OGFOD1: variants seen among roughly 807,000 people sequenced by gnomAD.
The protein encoded by OGFOD1 is 2-oxoglutarate and iron dependent oxygenase domain containing 1.
OGFOD1 carries 54 observed loss-of-function variants against 67.7 expected under a neutral mutation model. The ratio of observed to expected loss-of-function variants is 0.80; its 90% CI spans 0.64 to 1.00. The LOEUF is 1.00. OGFOD1 is among the 50% of genes least tolerant of loss of function. The probability of loss-of-function intolerance (pLI) is 0.00; values close to 1 mark genes in which losing one functional copy is unlikely to be tolerated. For synonymous variants in OGFOD1, 221 were observed against 227.0 expected (o/e 0.97, Z 0.24); for missense variants, 606 against 646.7 (o/e 0.94, Z 0.68).
chr16:56,470,382 G>A (rs750184238), intron 9 of OGFOD1, 105 bp from the exon 10 acceptor site: 79 of 1,093,878 alleles, frequency 7.2e-5, no homozygotes, highest in African/African-American at 1.1e-4. Context: ...AGTAAGCTGT[G>A]CCAAGATTTA....
chr16:56,475,978 G>A, intron 12 of OGFOD1, 66 bp from the exon 13 acceptor site: 1 of 1,416,786 alleles, frequency 7.1e-7, no homozygotes. Context: ...CTGTTCCATG[G>A]TTAATCATCC....
At chr16:56,465,638 T>C (rs1426650320) in intron 4 of OGFOD1, 2 of 153,758 alleles carry the variant, frequency 1.3e-5, no homozygotes, top group East Asian at 1.9e-4. Context: ...TGTACAATAA[T>C]GTTCATTAAA....
intron 12 of OGFOD1, among the ~76,000 whole-genome samples, chr16:56,475,817 A>T (rs781584730): frequency 4.6e-5 from 7 of 152,228 alleles, no homozygotes; most frequent in Non-Finnish European, 1.0e-4. Flanking sequence ...AAATCTTACA[A>T]TGTAGTAAGA....
Position 56,451,713 on chromosome 16 carries a change from C to G in OGFOD1, c.101C>G (p.Thr34Ser). The change falls in exon 1 of 13, where the codon ACC (threonine) becomes AGC (serine). Residue 34 changes from threonine to serine, a missense_variant. Thr to Ser is a moderately conservative substitution (Grantham distance 58). Transcript: ENST00000566157. ...AEFSDAVTEE[T>S]LKKQVAEAWS... ...TTTTCGGACGCTGTTACGGAAGAAACCTTGAAAAAGCAGGTGGCTGAGGCC... is the reference window on the plus strand; with the variant it reads ...TTTTCGGACGCTGTTACGGAAGAAAGCTTGAAAAAGCAGGTGGCTGAGGCC... 1.2e-6 allele frequency: 2 copies of G among 1,613,932 alleles called. No individual in the cohort carries two copies. The highest frequency in any genetic ancestry group is 1.7e-6 in the Non-Finnish European group (2 of 1,179,990).
chr16:56,452,649 T>G (rs1274482077), intron 1 of OGFOD1, among the ~76,000 whole-genome samples: 1 of 151,828 alleles, frequency 6.6e-6, no homozygotes, highest in African/African-American at 2.4e-5. Flanking sequence ...ATGGGGAGAG[T>G]GATAATGTCT....
At position 56,475,547 on chromosome 16, in the gene OGFOD1, C is replaced by T. The variant is rs749126734; in HGVS notation, c.1449C>T (p.Ala483=). 2 of 1,613,740 alleles carry T rather than the reference C, an allele frequency of 1.2e-6. No homozygotes were observed. The highest frequency in any genetic ancestry group is 2.7e-5 in the African/African-American group (2 of 74,916). ...ATGGCGGTTTTACTTCTTACATTGC[C>T]AAAGGTGAAGATGAAGAGGTAAGTT... ...PEYGGFTSYI[A]KGEDEELLTV... The change falls in exon 12 of 13, where the codon GCC becomes GCT. Residue 483 remains alanine (A), a synonymous_variant. Transcript: ENST00000566157.
intron 7 of OGFOD1, 133 bp from the exon 8 acceptor site, chr16:56,467,772 A>C (rs1962967728): frequency 7.5e-6 from 5 of 665,676 alleles, no homozygotes; most frequent in Non-Finnish European, 1.3e-5. Context: ...TCTCAAGCAG[A>C]GTTTTCCAGT....
intron 4 of OGFOD1, among the ~76,000 whole-genome samples, chr16:56,463,255 C>A (rs1596973107): frequency 6.6e-6 from 1 of 151,814 alleles, no homozygotes; most frequent in African/African-American, 2.4e-5. Flanking sequence ...TAAAATAATT[C>A]TTTGAGTGTA....
chr16:56,467,125 T>C, intron 6 of OGFOD1, 40 bp from the exon 7 acceptor site: 3 of 1,613,618 alleles, frequency 1.9e-6, no homozygotes. Flanking sequence ...GTAATCCCCC[T>C]ATTCTTCGTG....
intron 2 of OGFOD1, among the ~76,000 whole-genome samples, chr16:56,456,888 C>T (rs550174173): frequency 3.2e-4 from 49 of 152,308 alleles, no homozygotes; most frequent in African/African-American, 1.1e-3. Context: ...ATAAATTTCT[C>T]AGAGTGTAAA....
In OGFOD1 at chr16:56,478,277, G is replaced by T; in HGVS notation, c.*2072G>T. ...GGGTTCAAGCAATTCTCCTGCCTCAGCCTCCTAAGTAGCTGGGATTACAGG... is the reference window on the plus strand; with the variant it reads ...GGGTTCAAGCAATTCTCCTGCCTCATCCTCCTAAGTAGCTGGGATTACAGG... On this transcript the variant is annotated 3_prime_UTR_variant, in exon 13 of 13. Coordinates refer to ENST00000566157, the MANE Select transcript of OGFOD1 (RefSeq NM_018233.4). The T allele has an allele frequency of 6.6e-6, 1 of 152,198 alleles. No homozygotes were observed. The highest frequency in any genetic ancestry group is 1.5e-5 in the Non-Finnish European group (1 of 68,060). The allele number at this position is 152,198 out of a possible 1,614,324, so 9.4% of individuals were successfully genotyped here.
At chr16:56,462,453 A>C in intron 3 of OGFOD1, 81 bp from the exon 4 acceptor site, 1 of 790,516 alleles carries the variant, frequency 1.3e-6, no homozygotes, top group South Asian at 1.5e-5. Flanking sequence ...CAGGAAAGAA[A>C]AGTTGTGGCC....
chr16:56,470,410 C>G (rs1333303516), intron 9 of OGFOD1, 77 bp from the exon 10 acceptor site: 1 of 1,313,252 alleles, frequency 7.6e-7, no homozygotes, highest in Non-Finnish European at 1.1e-6. Context: ...AGGTACAAAG[C>G]TAACGATCAG....
chr16:56,474,691 G>A (rs1963373695), intron 10 of OGFOD1, 137 bp from the exon 11 acceptor site: 6 of 651,198 alleles, frequency 9.2e-6, no homozygotes, highest in East Asian at 6.1e-5. Context: ...TGGATTGGTA[G>A]AATAGCACTT....
At chr16:56,461,281 T>C (rs1357216300) in intron 3 of OGFOD1, among the ~76,000 whole-genome samples, 1 of 152,196 alleles carries the variant, frequency 6.6e-6, no homozygotes, top group Non-Finnish European at 1.5e-5. Flanking sequence ...TCCTTCATAA[T>C]GAAGCCTCCA....
chr16:56,454,685 A>G, intron 2 of OGFOD1: 1 of 371,372 alleles, frequency 2.7e-6, no homozygotes, highest in Non-Finnish European at 5.3e-6. Flanking sequence ...AAGATGAAGA[A>G]TAATTTTTTT....
intron 8 of OGFOD1, 108 bp from the exon 9 acceptor site, chr16:56,469,895 T>G: frequency 1.3e-6 from 1 of 741,308 alleles, no homozygotes; most frequent in Admixed American, 2.5e-5. Context: ...CAACTGCACC[T>G]TTTAGGAATC....
At chr16:56,459,200 C>T (rs866655164) in intron 3 of OGFOD1, among the ~76,000 whole-genome samples, 18 of 152,024 alleles carry the variant, frequency 1.2e-4, no homozygotes, top group African/African-American at 4.3e-4. Context: ...ATTAGCTGGG[C>T]GCGGTGGCAC....
At chr16:56,469,061 A>G (rs1049656765) in intron 8 of OGFOD1, among the ~76,000 whole-genome samples, 1 of 152,206 alleles carries the variant, frequency 6.6e-6, no homozygotes, top group African/African-American at 2.4e-5. Context: ...TATTATAGTA[A>G]ATAAACTGAA....
Sources: gnomAD v4.1 joint callset for allele counts (sites outside exome capture counted in the v4.1 genomes callset) on GRCh38, gnomAD v4.1.1 for gene constraint, MANE v1.5 for transcripts, NCBI Gene and HGNC (gene_info 2026-07-23, HGNC 2026-07-21) for gene names.